Variants in ALDH7A1 observed in about 807,000 individuals in gnomAD.
The protein encoded by ALDH7A1 is alpha-aminoadipic semialdehyde dehydrogenase.
Under a neutral mutation model 79.9 loss-of-function variants are expected in ALDH7A1, and 63 were observed. That is an observed-to-expected ratio of 0.79 (90% CI 0.64 to 0.97). The LOEUF (loss-of-function observed/expected upper bound fraction) is 0.97, where lower values mean the gene tolerates loss of function less well. Among genes scored for constraint, ALDH7A1 ranks in the 50% least tolerant of loss-of-function variants. ALDH7A1 has a pLI of 0.00. For missense variants in ALDH7A1, 627 were observed against 665.2 expected (o/e 0.94, Z 0.63); for synonymous variants, 240 against 231.2 (o/e 1.04, Z -0.34).
intron 1 of ALDH7A1, 89 bp downstream of exon 1, chr5:126,594,917 AG>A (rs1751688983): frequency 6.7e-7 from 1 of 1,502,666 alleles, no homozygotes; most frequent in Non-Finnish European, 9.0e-7. Context: ...TACCGCATCC[AG>A]CGCCAGCGGG....
intron 9 of ALDH7A1, chr5:126,564,385 C>T (rs550439020): frequency 1.6e-5 from 7 of 440,610 alleles, no homozygotes; most frequent in African/African-American, 1.4e-4. Flanking sequence ...TGAGCTCAGG[C>T]AATTCACCCA....
At chr5:126,571,518 A>C (rs1003921609) in intron 7 of ALDH7A1, among the ~76,000 whole-genome samples, 2 of 151,842 alleles carry the variant, frequency 1.3e-5, no homozygotes, top group African/African-American at 4.8e-5. Context: ...AAAACATAGA[A>C]CATAAATAGA....
intron 16 of ALDH7A1, among the ~76,000 whole-genome samples, chr5:126,547,627 T>A (rs1749833635): frequency 6.6e-6 from 1 of 152,232 alleles, no homozygotes; most frequent in Non-Finnish European, 1.5e-5. Context: ...GTCCTGCTCC[T>A]GGACAGAAAC....
rs767307264 is a variant in ALDH7A1, at chr5:126,582,831, T to G, written c.517+20A>C. ...GTATATCAGAGTACAAAACTCAGCT[T>G]AACTAATTTCATTGCTTACTTTCAG... On this transcript the variant is annotated intron_variant, in intron 5 of 17. Transcript: ENST00000409134. 10 of 1,611,974 alleles carry G rather than the reference T, an allele frequency of 6.2e-6. No individual in the cohort carries two copies. The highest frequency in any genetic ancestry group is 1.3e-5 in the African/African-American group (1 of 74,972).
intron 5 of ALDH7A1, among the ~76,000 whole-genome samples, chr5:126,578,438 T>A (rs1170260387): frequency 6.6e-6 from 1 of 152,000 alleles, no homozygotes; most frequent in Non-Finnish European, 1.5e-5. Flanking sequence ...TGAGCTCAGT[T>A]TGAGACTTGG....
At chr5:126,549,805 G>C (rs947320452) in intron 16 of ALDH7A1, 124 bp downstream of exon 16, 3 of 919,186 alleles carry the variant, frequency 3.3e-6, no homozygotes, top group Non-Finnish European at 5.4e-6. Context: ...AGATATGTTA[G>C]ATCACATAAG....
rs60217601 is a variant in ALDH7A1 at position 126,543,964 on chromosome 5, C to CT, written c.*1000dup. On this transcript the variant is annotated 3_prime_UTR_variant, in exon 18 of 18. Transcript: ENST00000409134. Reference sequence around the variant, plus strand: ...GGTTGTATAAAAAAATCCAGATGCACTTTTTTTTTTTTTTTTTTTTGTAGA... The same window carrying CT: ...GGTTGTATAAAAAAATCCAGATGCACTTTTTTTTTTTTTTTTTTTTTGTAGA... 19,242 of 121,970 alleles carry CT rather than the reference C, an allele frequency of 0.16. 2,052 individuals are homozygous for CT. Among genetic ancestry groups the CT allele is most frequent in the East Asian group, 0.3 (1,292 of 4,258 alleles). 7.6% of individuals were successfully genotyped at this position (121,970 alleles called of 1,614,324 possible).
chr5:126,565,779 G>C (rs1750560949), intron 9 of ALDH7A1, among the ~76,000 whole-genome samples: 1 of 152,156 alleles, frequency 6.6e-6, no homozygotes, highest in Admixed American at 6.6e-5. Context: ...AGATGTAGTA[G>C]GGGCCTGACT....
chr5:126,579,863 G>A (rs1356454874), intron 5 of ALDH7A1, among the ~76,000 whole-genome samples: 1 of 152,144 alleles, frequency 6.6e-6, no homozygotes, highest in African/African-American at 2.4e-5. Flanking sequence ...AGGAGGCTGA[G>A]GTGGAAAGAT....
At chr5:126,552,736 A>AT (rs540696774) in intron 13 of ALDH7A1, among the ~76,000 whole-genome samples, 239 of 142,662 alleles carry the variant, frequency 1.7e-3, no homozygotes, top group African/African-American at 5.3e-3. Context: ...TTTGTTTTTG[A>AT]TTTTTTTTTT....
chr5:126,554,263 A>G, intron 13 of ALDH7A1, 24 bp downstream of exon 13: 1 of 1,603,872 alleles, frequency 6.2e-7, no homozygotes. Context: ...AAGCTGTCAC[A>G]ATTGATCTCA....
intron 3 of ALDH7A1, chr5:126,586,186 T>C (rs1335878348): frequency 6.6e-6 from 1 of 152,228 alleles, no homozygotes; most frequent in African/African-American, 2.4e-5. Flanking sequence ...CATCCACAAT[T>C]TATATGTTTG....
chr5:126,583,993 C>G lies in ALDH7A1; in HGVS notation c.332G>C (p.Gly111Ala). ...ATCGCCAATCTGTCTTACTATTTCT[C>G]CTCGTTTTGGAGCAGGAATCTAAGA... ...IWADIPAPKR[G>A]EIVRQIGDAL... The change falls in exon 4 of 18, where the codon GGA becomes GCA. Residue 111 changes from glycine to alanine, a missense_variant. Physicochemically the swap from Gly to Ala is moderately conservative, Grantham distance 60. Transcript: ENST00000409134. 6.2e-7 allele frequency: 1 copy of G among 1,614,146 alleles called. No homozygotes were observed. The highest frequency in any genetic ancestry group is 8.5e-7 in the Non-Finnish European group (1 of 1,179,998).
At chr5:126,568,065 T>C (rs1750650920) in intron 9 of ALDH7A1, 194 bp downstream of exon 9, 1 of 550,038 alleles carries the variant, frequency 1.8e-6, no homozygotes, top group African/African-American at 1.9e-5. Context: ...TTTTCATAAA[T>C]TTTGGTATTT....
chr5:126,569,533 A>AATTGCCTAG (rs1385120656), intron 8 of ALDH7A1: 11 of 152,350 alleles, frequency 7.2e-5, no homozygotes, highest in South Asian at 2.1e-4. Context: ...GGCTTGGCTC[A>AATTGCCTAG]ATTGCCTAGG....
intron 8 of ALDH7A1, chr5:126,570,554 C>G (rs919818059): frequency 2.0e-6 from 1 of 510,742 alleles, no homozygotes; most frequent in East Asian, 3.6e-5. Context: ...GATATAAACA[C>G]CTTAACAAAT....
chr5:126,574,418 G>A (rs918832779), intron 7 of ALDH7A1, among the ~76,000 whole-genome samples: 14 of 148,914 alleles, frequency 9.4e-5, no homozygotes, highest in African/African-American at 2.2e-4. Flanking sequence ...AATAATAGCC[G>A]GGCGTGGTGG....
chr5:126,568,097 T>C, intron 9 of ALDH7A1, 162 bp downstream of exon 9: 1 of 685,538 alleles, frequency 1.5e-6, no homozygotes, highest in Non-Finnish European at 2.5e-6. Context: ...TTCCCTAATA[T>C]TCTACTGCTA....
rs924279323 is a variant in ALDH7A1 at position 126,542,495 on chromosome 5, C to A, written c.*2470G>T. ...CATGAGCAATGTAGTATGACCCAAT[C>A]TTTACAAAAAAAAATAATAATCAGC... On this transcript the variant is annotated 3_prime_UTR_variant, in exon 18 of 18. Coordinates refer to ENST00000409134, the MANE Select transcript of ALDH7A1 (RefSeq NM_001182.5). The A allele has an allele frequency of 6.6e-6, 1 of 151,902 alleles. No homozygotes were observed. The highest frequency in any genetic ancestry group is 2.4e-5 in the African/African-American group (1 of 41,322). 9.4% of individuals were successfully genotyped at this position (151,902 alleles called of 1,614,324 possible).
Sources: allele counts gnomAD v4.1 joint callset (sites outside exome capture counted in the v4.1 genomes callset), GRCh38; gene constraint gnomAD v4.1.1; transcripts MANE v1.5; gene names NCBI Gene and HGNC (gene_info 2026-07-23, HGNC 2026-07-21).